The following CLSTN2 variants were observed in gnomAD, a reference collection of about 807,000 sequenced individuals.
CLSTN2 encodes the protein calsyntenin 2.
CLSTN2 carries 48 observed loss-of-function variants against 101.2 expected under a neutral mutation model. The observed-to-expected ratio is 0.47, with a 90% CI of 0.38 to 0.60. The LOEUF is 0.60. CLSTN2 is among the 20% of genes least tolerant of loss of function. CLSTN2 has a pLI of 0.00. For synonymous variants in CLSTN2, 481 were observed against 463.6 expected (o/e 1.04, Z -0.48); for missense variants, 1,160 against 1,238.2 (o/e 0.94, Z 0.95).
At chr3:140,016,024 G>A (rs1450283861) in intron 1 of CLSTN2, among the ~76,000 whole-genome samples, 2 of 152,234 alleles carry the variant, frequency 1.3e-5, no homozygotes, top group African/African-American at 4.8e-5. Flanking sequence ...GCCCAGAAGG[G>A]CAGCCAGATA....
chr3:140,046,165 T>A (rs1191299465), intron 1 of CLSTN2, among the ~76,000 whole-genome samples: 2 of 152,220 alleles, frequency 1.3e-5, no homozygotes, highest in Non-Finnish European at 2.9e-5. Flanking sequence ...TTTGTAGGTC[T>A]CTAAGGACTT....
chr3:140,046,037 T>C (rs1441120352), intron 1 of CLSTN2, among the ~76,000 whole-genome samples: 7 of 152,218 alleles, frequency 4.6e-5, no homozygotes, highest in Admixed American at 3.3e-4. Context: ...TTAGGTCCGC[T>C]TGGTGCAGAG....
At chr3:140,395,637 A>T (rs2088173278) in intron 2 of CLSTN2, among the ~76,000 whole-genome samples, 1 of 152,174 alleles carries the variant, frequency 6.6e-6, no homozygotes, top group African/African-American at 2.4e-5. Flanking sequence ...CTGAAGTGGG[A>T]GGGTTTAAAC....
intron 2 of CLSTN2, among the ~76,000 whole-genome samples, chr3:140,310,151 A>T (rs991219409): frequency 6.6e-6 from 1 of 152,102 alleles, no homozygotes; most frequent in African/African-American, 2.4e-5. Context: ...CCCCCGGGTT[A>T]CTACAGCAGT....
intron 2 of CLSTN2, among the ~76,000 whole-genome samples, chr3:140,359,993 TAC>T (rs55746611): frequency 0.13 from 18,847 of 145,710 alleles, 1,300 homozygotes; most frequent in African/African-American, 0.17. Flanking sequence ...ACATATTTTA[TAC>T]ACACACACAC....
At chr3:139,963,269 T>G (rs1935541574) in intron 1 of CLSTN2, among the ~76,000 whole-genome samples, 1 of 152,136 alleles carries the variant, frequency 6.6e-6, no homozygotes, top group East Asian at 1.9e-4. Flanking sequence ...CCTGTTTTTC[T>G]TGGAAGAGCA....
chr3:140,500,061 C>T (rs996339493), intron 8 of CLSTN2, among the ~76,000 whole-genome samples: 7 of 147,072 alleles, frequency 4.8e-5, no homozygotes, highest in Non-Finnish European at 6.0e-5. Context: ...AGCGCGACTC[C>T]GTCTCAAAAA....
At chr3:140,097,942 C>T (rs549424129) in intron 1 of CLSTN2, among the ~76,000 whole-genome samples, 15 of 152,156 alleles carry the variant, frequency 9.9e-5, no homozygotes, top group Admixed American at 2.6e-4. Flanking sequence ...TCCTGCTATT[C>T]GTCCCAGAGA....
At chr3:140,038,378 A>G (rs1263657373) in intron 1 of CLSTN2, among the ~76,000 whole-genome samples, 1 of 151,764 alleles carries the variant, frequency 6.6e-6, no homozygotes, top group Non-Finnish European at 1.5e-5. Context: ...GTCTTTTCAT[A>G]CTTTTAATGG....
At chr3:140,132,909 T>C (rs1373303177) in intron 1 of CLSTN2, among the ~76,000 whole-genome samples, 2 of 152,218 alleles carry the variant, frequency 1.3e-5, no homozygotes, top group Non-Finnish European at 2.9e-5. Flanking sequence ...CTTTGGAAAA[T>C]GTCTTCATTT....
At chr3:139,974,214 A>T (rs1348781712) in intron 1 of CLSTN2, among the ~76,000 whole-genome samples, 11 of 152,234 alleles carry the variant, frequency 7.2e-5, no homozygotes, top group Admixed American at 7.2e-4. Flanking sequence ...AACTGCAATG[A>T]CAGGGTGAAG....
rs941476671 is a variant in CLSTN2 at position 140,025,719 on chromosome 3, G to A, written c.109+90236G>A. On this transcript the variant is annotated intron_variant, in intron 1 of 16. Coordinates refer to ENST00000458420, the MANE Select transcript of CLSTN2 (RefSeq NM_022131.3). ...AGATTTTGGCATAACATATGACGCAGTCCTCTCCAAAATCTTCAGTGATAT... is the reference window on the plus strand; with the variant it reads ...AGATTTTGGCATAACATATGACGCAATCCTCTCCAAAATCTTCAGTGATAT... 2.6e-5 allele frequency among the ~76,000 whole-genome samples: 4 copies of A among 152,200 alleles called. No individual in the cohort carries two copies. The South Asian group carries it at 6.2e-4, about 24-fold the overall frequency.
intron 2 of CLSTN2, among the ~76,000 whole-genome samples, chr3:140,228,378 A>T (rs577800260): frequency 6.6e-6 from 1 of 152,274 alleles, no homozygotes; most frequent in African/African-American, 2.4e-5. Flanking sequence ...TCCATCTGAG[A>T]CCACCTCAGC....
chr3:140,368,289 A>C (rs1166343564), intron 2 of CLSTN2, among the ~76,000 whole-genome samples: 2 of 152,184 alleles, frequency 1.3e-5, no homozygotes, highest in Admixed American at 1.3e-4. Context: ...CTAAGCAGTT[A>C]GCACCATCAA....
At chr3:140,450,551 G>A (rs1483208482) in intron 6 of CLSTN2, among the ~76,000 whole-genome samples, 1 of 152,166 alleles carries the variant, frequency 6.6e-6, no homozygotes, top group African/African-American at 2.4e-5. Context: ...GGGAGCTTAG[G>A]AAAGGGCTTA....
At chr3:139,997,725 T>C (rs975686708) in intron 1 of CLSTN2, among the ~76,000 whole-genome samples, 2 of 152,354 alleles carry the variant, frequency 1.3e-5, no homozygotes, top group South Asian at 4.1e-4. Flanking sequence ...AAATGTACAT[T>C]TTCAAATATA....
chr3:140,330,587 A>G (rs1017095798), intron 2 of CLSTN2, among the ~76,000 whole-genome samples: 2 of 152,144 alleles, frequency 1.3e-5, no homozygotes, highest in Admixed American at 6.5e-5. Flanking sequence ...TCACCTCCCA[A>G]GTAAATTACT....
chr3:140,333,479 C>T (rs1266589329), intron 2 of CLSTN2, among the ~76,000 whole-genome samples: 1 of 152,130 alleles, frequency 6.6e-6, no homozygotes, highest in Non-Finnish European at 1.5e-5. Flanking sequence ...GGCCTTATCA[C>T]ATCATGTAAG....
intron 2 of CLSTN2, among the ~76,000 whole-genome samples, chr3:140,251,245 G>A (rs1044099294): frequency 6.6e-5 from 10 of 152,070 alleles, no homozygotes; most frequent in African/African-American, 4.8e-5. Flanking sequence ...CTGAAATTTG[G>A]CATCTCTTCT....
Sources: gnomAD v4.1 joint callset for allele counts (sites outside exome capture counted in the v4.1 genomes callset) on GRCh38, gnomAD v4.1.1 for gene constraint, MANE v1.5 for transcripts, NCBI Gene and HGNC (gene_info 2026-07-23, HGNC 2026-07-21) for gene names.